CNTNAP4: variants seen among roughly 807,000 people sequenced by gnomAD.
CNTNAP4 encodes the protein contactin associated protein family member 4.
Under a neutral mutation model 148.4 loss-of-function variants are expected in CNTNAP4, and 98 were observed. That is an observed-to-expected ratio of 0.66 (90% CI 0.56 to 0.78). CNTNAP4 has a LOEUF of 0.78. Among genes scored for constraint, CNTNAP4 ranks in the 30% least tolerant of loss-of-function variants. CNTNAP4 has a pLI of 0.00. For synonymous variants in CNTNAP4, 730 were observed against 565.1 expected, an observed-to-expected ratio of 1.29 and a Z score of -4.14; for missense variants, 1,935 against 1,565.6, an observed-to-expected ratio of 1.24 and a Z score of -3.98.
chr16:76,546,815 C>A (rs1418594719), intron 21 of CNTNAP4, among the ~76,000 whole-genome samples: 3 of 152,142 alleles, frequency 2.0e-5, no homozygotes, highest in Non-Finnish European at 4.4e-5. Flanking sequence ...TTGAATGCTA[C>A]CAGCATTGTC....
At chr16:76,372,201 G>A (rs867811684) in intron 3 of CNTNAP4, among the ~76,000 whole-genome samples, 12 of 147,242 alleles carry the variant, frequency 8.1e-5, no homozygotes, top group African/African-American at 2.0e-4. Flanking sequence ...ATGCAGTGGC[G>A]CAATCTCGGT....
chr16:76,386,407 C>T (rs536076372), intron 3 of CNTNAP4, among the ~76,000 whole-genome samples: 1 of 152,128 alleles, frequency 6.6e-6, no homozygotes, highest in Non-Finnish European at 1.5e-5. Flanking sequence ...TTTGCTTGCT[C>T]TCAGTTTGGG....
intron 2 of CNTNAP4, among the ~76,000 whole-genome samples, chr16:76,336,792 G>A (rs1964063967): frequency 6.6e-6 from 1 of 152,178 alleles, no homozygotes; most frequent in South Asian, 2.1e-4. Flanking sequence ...TGGTTGATAA[G>A]TTGTTTGCTT....
At chr16:76,418,265 A>G (rs1031046687) in intron 3 of CNTNAP4, among the ~76,000 whole-genome samples, 2 of 150,602 alleles carry the variant, frequency 1.3e-5, no homozygotes, top group Admixed American at 6.6e-5. Flanking sequence ...ATTGCCCACA[A>G]TTCTTGATAC....
At chr16:76,467,745 A>G (rs2081228953) in intron 10 of CNTNAP4, among the ~76,000 whole-genome samples, 1 of 152,210 alleles carries the variant, frequency 6.6e-6, no homozygotes, top group Non-Finnish European at 1.5e-5. Flanking sequence ...ATGTATGGCC[A>G]CGTATGTACA....
chr16:76,537,858 T>A (rs2084277959), intron 18 of CNTNAP4, among the ~76,000 whole-genome samples: 1 of 152,090 alleles, frequency 6.6e-6, no homozygotes, highest in African/African-American at 2.4e-5. Context: ...TGGTTTGTGT[T>A]TGAACTCAGA....
intron 3 of CNTNAP4, among the ~76,000 whole-genome samples, chr16:76,389,398 T>C (rs2016769321): frequency 6.6e-6 from 1 of 152,182 alleles, no homozygotes; most frequent in Non-Finnish European, 1.5e-5. Context: ...TGCTTGTGGC[T>C]CTTCTTCCAC....
chr16:76,419,287 C>G (rs1467638648), intron 3 of CNTNAP4, among the ~76,000 whole-genome samples: 1 of 151,972 alleles, frequency 6.6e-6, no homozygotes, highest in East Asian at 1.9e-4. Flanking sequence ...AGAAGTACTG[C>G]CCCCCAGTTG....
chr16:76,475,535 C>G (rs2143611682), intron 10 of CNTNAP4, among the ~76,000 whole-genome samples: 1 of 152,290 alleles, frequency 6.6e-6, no homozygotes, highest in Admixed American at 6.5e-5. Flanking sequence ...GAAAGGTATT[C>G]CTCTGTCTTC....
At chr16:76,488,662 C>T (rs2082109577) in intron 12 of CNTNAP4, among the ~76,000 whole-genome samples, 1 of 152,148 alleles carries the variant, frequency 6.6e-6, no homozygotes, top group Admixed American at 6.6e-5. Context: ...GACTTAACAG[C>T]ACATATGTAG....
At chr16:76,466,092 T>TA (rs566378743) in intron 9 of CNTNAP4, among the ~76,000 whole-genome samples, 4 of 152,146 alleles carry the variant, frequency 2.6e-5, no homozygotes, top group Non-Finnish European at 4.4e-5. Flanking sequence ...AAAGATTAAT[T>TA]AAAAAAATAA....
rs2135619 is a variant in CNTNAP4 at position 76,504,266 on chromosome 16, T to C, written c.2365+5572T>C. On this transcript the variant is annotated intron_variant, in intron 15 of 23. Coordinates refer to ENST00000611870, the MANE Select transcript of CNTNAP4 (RefSeq NM_033401.5). The stretch of plus-strand genomic sequence containing the variant: ...ACAATAGACAAATACATGAATGGAA[T>C]AGAATAGAGAGCCCAAAAATAGACC... Among the ~76,000 whole-genome samples, 27 of 152,160 alleles carry C rather than the reference T, an allele frequency of 1.8e-4. 1 individual carries two copies. The highest frequency in any genetic ancestry group is 6.5e-4 in the African/African-American group (27 of 41,546).
At chr16:76,347,952 G>A (rs1965046839) in intron 2 of CNTNAP4, among the ~76,000 whole-genome samples, 1 of 152,126 alleles carries the variant, frequency 6.6e-6, no homozygotes, top group African/African-American at 2.4e-5. Flanking sequence ...TTTGTGCACA[G>A]GTATAATATT....
chr16:76,528,560 T>C (rs1458633013), intron 17 of CNTNAP4, among the ~76,000 whole-genome samples: 1 of 152,182 alleles, frequency 6.6e-6, no homozygotes, highest in Non-Finnish European at 1.5e-5. Flanking sequence ...CCACCACGCC[T>C]CACCTGCAGA....
At position 76,462,105 on chromosome 16, in the gene CNTNAP4, G is replaced by A. The variant is rs1343720182; in HGVS notation, c.1483G>A (p.Gly495Ser). ...IYSGGTYYFG[G>S]CPDKSFGSKC... ...TTCGGGTGGCACCTATTATTTTGGA[G>A]GTAAGAATAGGTGCCAGGCTCTATG... The change falls in exon 9 of 24, where the codon GGT becomes AGT. Residue 495 changes from glycine to serine, a missense_variant and splice_region_variant. Coordinates refer to ENST00000611870, the MANE Select transcript of CNTNAP4 (RefSeq NM_033401.5). 6.2e-7 allele frequency: 1 copy of A among 1,612,084 alleles called. No individual in the cohort carries two copies. The highest frequency in any genetic ancestry group is 8.5e-7 in the Non-Finnish European group (1 of 1,178,946).
intron 3 of CNTNAP4, among the ~76,000 whole-genome samples, chr16:76,363,557 G>A (rs1304175352): frequency 6.6e-6 from 1 of 152,040 alleles, no homozygotes; most frequent in Admixed American, 6.6e-5. Context: ...AAAACGTACA[G>A]AAACAGCTTC....
chr16:76,379,107 C>A (rs1293887111), intron 3 of CNTNAP4, among the ~76,000 whole-genome samples: 2 of 152,104 alleles, frequency 1.3e-5, no homozygotes, highest in Non-Finnish European at 2.9e-5. Flanking sequence ...TCATGGGATG[C>A]CTTTTGCTCT....
Position 76,503,849 on chromosome 16 carries a change from C to A in CNTNAP4, c.2365+5155C>A, listed in dbSNP as rs551313294. ...CAAAAGTAAATTGTATTTCTATATG[C>A]TAATGATAAAAAATTATAAATGATA... On this transcript the variant is annotated intron_variant, in intron 15 of 23. Coordinates refer to ENST00000611870, the MANE Select transcript of CNTNAP4 (RefSeq NM_033401.5). Among the ~76,000 whole-genome samples, 538 of 151,914 alleles carry A rather than the reference C, an allele frequency of 3.5e-3. 2 individuals carry two copies. The highest frequency in any genetic ancestry group is 0.012 in the African/African-American group (515 of 41,408).
intron 21 of CNTNAP4, among the ~76,000 whole-genome samples, chr16:76,545,916 T>C (rs776229244): frequency 2.0e-5 from 3 of 151,940 alleles, no homozygotes; most frequent in African/African-American, 7.3e-5. Context: ...GCGCCCGTAG[T>C]CTCAGCTACT....
Sources: allele counts gnomAD v4.1 joint callset (sites outside exome capture counted in the v4.1 genomes callset), GRCh38; gene constraint gnomAD v4.1.1; transcripts MANE v1.5; gene names NCBI Gene and HGNC (gene_info 2026-07-23, HGNC 2026-07-21).